PRKG1: variants seen among roughly 807,000 people sequenced by gnomAD.
The protein encoded by PRKG1 is protein kinase cGMP-dependent 1, also known as cGMP-dependent protein kinase 1.
A neutral mutation model predicts 88.1 loss-of-function variants in PRKG1; 35 were observed. The observed-to-expected ratio is 0.40, with a 90% CI of 0.30 to 0.53. The LOEUF is 0.53. Among genes scored for constraint, PRKG1 ranks in the 20% least tolerant of loss-of-function variants. The pLI is 0.59. For synonymous variants in PRKG1, 303 were observed against 292.5 expected, an observed-to-expected ratio of 1.04 and a Z score of -0.37; for missense variants, 540 against 839.8, an observed-to-expected ratio of 0.64 and a Z score of 4.41.
intron 7 of PRKG1, among the ~76,000 whole-genome samples, 160 bp from the exon 8 acceptor site, chr10:52,133,680 T>C (rs963142794): frequency 1.3e-5 from 2 of 152,106 alleles, no homozygotes; most frequent in Non-Finnish European, 1.5e-5. Context: ...GTAAGATGAT[T>C]CCTCAAAAAA....
intron 2 of PRKG1, among the ~76,000 whole-genome samples, chr10:51,262,708 G>T (rs12264019): frequency 0.11 from 17,293 of 152,134 alleles, 1,364 homozygotes; most frequent in African/African-American, 0.22. Context: ...GGAAACTTAC[G>T]ATCATGGCAG....
intron 4 of PRKG1, among the ~76,000 whole-genome samples, chr10:51,855,804 G>C (rs1317310991): frequency 1.3e-5 from 2 of 152,088 alleles, no homozygotes; most frequent in Non-Finnish European, 2.9e-5. Context: ...GCGTTTATTG[G>C]AAACAAAACA....
At chr10:51,667,973 T>A (rs72797344) in intron 3 of PRKG1, among the ~76,000 whole-genome samples, 2 of 152,196 alleles carry the variant, frequency 1.3e-5, no homozygotes, top group African/African-American at 4.8e-5. Context: ...AGCTCTTTTT[T>A]TTTTCCTGCC....
chr10:51,501,550 C>T (rs1417796783), intron 3 of PRKG1, among the ~76,000 whole-genome samples: 1 of 152,088 alleles, frequency 6.6e-6, no homozygotes. Flanking sequence ...CTGTGCTTCT[C>T]CATGAATCTC....
intron 2 of PRKG1, among the ~76,000 whole-genome samples, chr10:51,227,706 G>A (rs188010181): frequency 6.6e-6 from 1 of 152,280 alleles, no homozygotes; most frequent in Non-Finnish European, 1.5e-5. Flanking sequence ...CAGCAACAGC[G>A]AAGGGAATTT....
chr10:51,329,959 T>C (rs1841689904), intron 2 of PRKG1, among the ~76,000 whole-genome samples: 1 of 149,884 alleles, frequency 6.7e-6, no homozygotes, highest in Admixed American at 6.6e-5. Flanking sequence ...TTAGATATGA[T>C]TGGAGACTTT....
intron 4 of PRKG1, among the ~76,000 whole-genome samples, chr10:51,861,428 G>T (rs1400090463): frequency 2.0e-5 from 3 of 152,018 alleles, no homozygotes; most frequent in African/African-American, 7.2e-5. Flanking sequence ...CATTGAAGTT[G>T]TTACTATTTT....
intron 3 of PRKG1, among the ~76,000 whole-genome samples, chr10:51,564,250 T>C (rs1034296904): frequency 1.3e-5 from 2 of 152,112 alleles, no homozygotes; most frequent in East Asian, 3.9e-4. Flanking sequence ...ACCCTTTTTC[T>C]CACATATGTA....
At chr10:51,012,358 A>G (rs1840339255) in intron 1 of PRKG1, among the ~76,000 whole-genome samples, 1 of 152,330 alleles carries the variant, frequency 6.6e-6, no homozygotes, top group Admixed American at 6.5e-5. Flanking sequence ...TTAACGTCTT[A>G]AGGTTGGAGA....
chr10:52,155,370 C>A (rs569415342), intron 8 of PRKG1, among the ~76,000 whole-genome samples: 2 of 151,832 alleles, frequency 1.3e-5, no homozygotes, highest in Non-Finnish European at 2.9e-5. Context: ...AAAATAAAAT[C>A]TTAAGCTAAT....
intron 7 of PRKG1, among the ~76,000 whole-genome samples, chr10:52,084,460 T>C (rs984790471): frequency 6.6e-6 from 1 of 152,072 alleles, no homozygotes; most frequent in African/African-American, 2.4e-5. Flanking sequence ...AACGTAGAAG[T>C]TGCAAGATTA....
chr10:51,752,581 A>G (rs1011374765), intron 3 of PRKG1, among the ~76,000 whole-genome samples: 24 of 152,274 alleles, frequency 1.6e-4, no homozygotes, highest in African/African-American at 5.3e-4. Flanking sequence ...TCTACCAACC[A>G]TATGTGTCAA....
chr10:51,548,368 T>C (rs913053), intron 3 of PRKG1, among the ~76,000 whole-genome samples: 140,932 of 152,190 alleles, frequency 0.93, 65,339 homozygotes, highest in East Asian at 1. Flanking sequence ...CTAATATAGA[T>C]AAACATTATC....
In PRKG1 at chr10:52,189,286, G is replaced by T. The variant is rs1396670220; in HGVS notation, c.1076+27323G>T. ...TGGTTTAAAACTTTCCTTTTACTTC[G>T]CAATCCTTCCCCACTTCTCCTGCAG... On this transcript the variant is annotated intron_variant, in intron 9 of 17. Transcript: ENST00000373980. Among the ~76,000 whole-genome samples, 5 of 152,014 alleles carry T rather than the reference G, an allele frequency of 3.3e-5. No homozygotes were observed. The South Asian group carries it at 6.2e-4, about 19-fold the overall frequency.
chr10:51,465,217 A>G (rs928850763), intron 2 of PRKG1, among the ~76,000 whole-genome samples: 1 of 152,130 alleles, frequency 6.6e-6, no homozygotes, highest in African/African-American at 2.4e-5. Flanking sequence ...TCCTTTAAGA[A>G]ACCACTGAGC....
At chr10:51,916,665 C>G (rs1842346526) in intron 5 of PRKG1, among the ~76,000 whole-genome samples, 1 of 152,174 alleles carries the variant, frequency 6.6e-6, no homozygotes, top group Non-Finnish European at 1.5e-5. Context: ...AATTCTGCTC[C>G]TAGGTGCATA....
intron 2 of PRKG1, among the ~76,000 whole-genome samples, chr10:51,303,415 T>A (rs1308909667): frequency 6.6e-6 from 1 of 151,890 alleles, no homozygotes; most frequent in East Asian, 1.9e-4. Context: ...GATGGCCTCA[T>A]GTGTGCGCTG....
intron 3 of PRKG1, among the ~76,000 whole-genome samples, chr10:51,791,922 T>C (rs1361120157): frequency 2.0e-5 from 3 of 152,152 alleles, no homozygotes; most frequent in Non-Finnish European, 4.4e-5. Flanking sequence ...GACTGAAATA[T>C]GTTATGTTTA....
At chr10:51,680,056 T>A (rs1215260108) in intron 3 of PRKG1, among the ~76,000 whole-genome samples, 1 of 152,142 alleles carries the variant, frequency 6.6e-6, no homozygotes, top group Non-Finnish European at 1.5e-5. Flanking sequence ...GGAAAGTGCC[T>A]TGGAGTGGCC....
Sources: gnomAD v4.1 joint callset for allele counts (sites outside exome capture counted in the v4.1 genomes callset) on GRCh38, gnomAD v4.1.1 for gene constraint, MANE v1.5 for transcripts, NCBI Gene and HGNC (gene_info 2026-07-23, HGNC 2026-07-21) for gene names.